CBLC: variants seen among roughly 807,000 people sequenced by gnomAD.
CBLC encodes E3 ubiquitin-protein ligase CBL-C.
In CBLC, 46 loss-of-function variants were observed where a neutral mutation model predicts 58.6. The ratio of observed to expected loss-of-function variants is 0.79; its 90% CI spans 0.62 to 1.00. The LOEUF (loss-of-function observed/expected upper bound fraction) is 1.00. Among genes scored for constraint, CBLC ranks in the 50% least tolerant of loss-of-function variants. The pLI is 0.00. For missense variants in CBLC, 655 were observed against 625.8 expected (o/e 1.05, Z -0.50); for synonymous variants, 271 against 264.2 (o/e 1.03, Z -0.25).
intron 9 of CBLC, among the ~76,000 whole-genome samples, chr19:44,795,383 G>A (rs1242257020): frequency 6.6e-6 from 1 of 152,058 alleles, no homozygotes; most frequent in Non-Finnish European, 1.5e-5. Flanking sequence ...CCAAAGTGGT[G>A]GCGCACACCC....
In CBLC at chr19:44,784,964, T is replaced by TG. The variant is rs1568558701; in HGVS notation, c.917+563_917+564insG. Among the ~76,000 whole-genome samples, 15 of 108,716 alleles carry TG rather than the reference T, an allele frequency of 1.4e-4. No individual in the cohort carries two copies. The South Asian group carries it at 2.0e-3, about 14-fold the overall frequency. 71.3% of individuals were successfully genotyped at this position (108,716 alleles called of 152,430 possible). A position where few individuals can be genotyped will look rare whatever the true frequency, so the allele number is the denominator to read the frequency against. ...GCTAGACAGGTGTTTTTTTTTTTTTTTTTTTTTTTTTTTTTTTTTTTTTTT... is the reference window on the plus strand; with the variant it reads ...GCTAGACAGGTGTTTTTTTTTTTTTTGTTTTTTTTTTTTTTTTTTTTTTTTT... On this transcript the variant is annotated intron_variant, in intron 5 of 10. Coordinates refer to ENST00000647358, the MANE Select transcript of CBLC (RefSeq NM_012116.4).
chr19:44,778,128 G>A lies in CBLC; in HGVS notation c.197G>A (p.Gly66Asp), dbSNP rs1967618769. 1 of 1,597,026 alleles carries A rather than the reference G, an allele frequency of 6.3e-7. No individual in the cohort carries two copies. Among genetic ancestry groups the A allele is most frequent in the Non-Finnish European group, 8.5e-7 (1 of 1,175,060 alleles). The change falls in exon 1 of 11, where the codon GGC becomes GAC. Residue 66 changes from glycine (G) to aspartate (D), a missense_variant. By Grantham distance (94) the Gly-to-Asp change is moderately conservative. Coordinates refer to ENST00000647358, the MANE Select transcript of CBLC (RefSeq NM_012116.4). ...GTGGCCCATTCTCGGCGGGCGGCCG[G>A]CGGAGGCGGCCCCGGGGGTCCCGGC... ...REVAHSRRAA[G>D]GGGPGGPGGS... is the part of the protein sequence containing the mutation.
intron 5 of CBLC, among the ~76,000 whole-genome samples, chr19:44,788,835 T>C (rs543295646): frequency 6.6e-6 from 1 of 152,196 alleles, no homozygotes; most frequent in African/African-American, 2.4e-5. Flanking sequence ...CACAAATCTT[T>C]GCCTCAGGCA....
At position 44,794,245 on chromosome 19, in the gene CBLC, G is replaced by A; in HGVS notation, c.1326G>A (p.Leu442=). 1 of 1,612,810 alleles carries A rather than the reference G, an allele frequency of 6.2e-7. No individual in the cohort carries two copies. Among genetic ancestry groups the A allele is most frequent in the Non-Finnish European group, 8.5e-7 (1 of 1,179,478 alleles). Residue 442 remains leucine (L), a synonymous_variant, in exon 9 of 11, where the codon CTG becomes CTA. Transcript: ENST00000647358. ...CTCCATTGCCCCCACGGCCAGATCT[G>A]CCCCCCAGGAAGCCCAGAAATGCCC... The part of the protein sequence containing the change: ...SAPPLPPRPD[L]PPRKPRNAQP...
Position 44,794,200 on chromosome 19 carries a change from C to A in CBLC, c.1285-4C>A, listed in dbSNP as rs369262197. On this transcript the variant is annotated splice_region_variant and splice_polypyrimidine_tract_variant and intron_variant, in intron 8 of 10. Coordinates refer to ENST00000647358, the MANE Select transcript of CBLC (RefSeq NM_012116.4). ...CCCCTTCTCCTTCCTCTGTCCCACC[C>A]CAGGTGCCCCTTTCGGCTCCTCCAT... is the stretch of plus-strand genomic sequence containing the variant. 6.2e-7 allele frequency: 1 copy of A among 1,607,264 alleles called. No homozygotes were observed.
Position 44,778,299 on chromosome 19 carries a change from C to CA in CBLC, c.353+16dup. ...TCCAGACTCAGGTGAGCCTTCGCCC[C>CA]AGAACAAAGTCCTCTGGGGTGAGGC... On this transcript the variant is annotated intron_variant, in intron 1 of 10. Coordinates refer to ENST00000647358, the MANE Select transcript of CBLC (RefSeq NM_012116.4). 1 of 1,421,874 alleles carries CA rather than the reference C, an allele frequency of 7.0e-7. No homozygotes were observed. Among genetic ancestry groups the CA allele is most frequent in the South Asian group, 1.5e-5 (1 of 65,680 alleles). 88.1% of individuals were successfully genotyped at this position (1,421,874 alleles called of 1,614,324 possible).
At chr19:44,788,316 G>T (rs1346720492) in intron 5 of CBLC, among the ~76,000 whole-genome samples, 6 of 150,086 alleles carry the variant, frequency 4.0e-5, no homozygotes, top group Non-Finnish European at 7.4e-5. Context: ...TTTAGACATA[G>T]TGTCTTTCTG....
At chr19:44,786,335 T>A (rs1311794996) in intron 5 of CBLC, among the ~76,000 whole-genome samples, 1 of 152,092 alleles carries the variant, frequency 6.6e-6, no homozygotes, top group Non-Finnish European at 1.5e-5. Context: ...CTCACACCTG[T>A]AATCCCAGCA....
Position 44,784,257 on chromosome 19 carries a change from C to G in CBLC, c.780-7C>G. On this transcript the variant is annotated splice_region_variant and splice_polypyrimidine_tract_variant and intron_variant, in intron 4 of 10. Coordinates refer to ENST00000647358, the MANE Select transcript of CBLC (RefSeq NM_012116.4). ...CCTCACCCCATCCTACCTACCTCTC[C>G]CTCCAGTTACATCTTCCGGCCCAGC... 2 of 1,563,456 alleles carry G rather than the reference C, an allele frequency of 1.3e-6. No homozygotes were observed. The highest frequency in any genetic ancestry group is 1.3e-5 in the African/African-American group (1 of 74,338).
chr19:44,789,009 C>T (rs929364487), intron 5 of CBLC, among the ~76,000 whole-genome samples: 1 of 152,166 alleles, frequency 6.6e-6, no homozygotes, highest in Non-Finnish European at 1.5e-5. Context: ...CTCAGGGAGT[C>T]TGAGGGTCCA....
At chr19:44,788,464 T>G (rs1480096440) in intron 5 of CBLC, among the ~76,000 whole-genome samples, 2 of 150,598 alleles carry the variant, frequency 1.3e-5, no homozygotes, top group Admixed American at 6.6e-5. Flanking sequence ...TCTTATTTAT[T>G]TATTTTTAAA....
chr19:44,794,043 C>G, intron 8 of CBLC, 161 bp from the exon 9 acceptor site: 2 of 847,678 alleles, frequency 2.4e-6, no homozygotes, highest in Non-Finnish European at 2.8e-6. Context: ...CTGTGGCTTT[C>G]CCTGGCTGTA....
At chr19:44,797,812 C>G (rs1044580939) in intron 9 of CBLC, among the ~76,000 whole-genome samples, 15 of 152,078 alleles carry the variant, frequency 9.9e-5, no homozygotes, top group African/African-American at 3.4e-4. Context: ...ACAATCACAG[C>G]TCACTATAGC....
intron 3 of CBLC, 85 bp from the exon 4 acceptor site, chr19:44,782,285 G>A (rs1967769653): frequency 1.9e-6 from 3 of 1,577,044 alleles, no homozygotes; most frequent in South Asian, 1.2e-5. Flanking sequence ...GAAGGAGGTG[G>A]TTGGATCCTC....
chr19:44,796,816 G>A (rs1191175760), intron 9 of CBLC, among the ~76,000 whole-genome samples: 1 of 151,454 alleles, frequency 6.6e-6, no homozygotes, highest in African/African-American at 2.4e-5. Flanking sequence ...CACAGGCTTC[G>A]ATCAATACTG....
At chr19:44,786,726 G>A (rs1278319441) in intron 5 of CBLC, among the ~76,000 whole-genome samples, 1 of 152,122 alleles carries the variant, frequency 6.6e-6, no homozygotes, top group African/African-American at 2.4e-5. Flanking sequence ...CAACACACAC[G>A]TTTTCTCCAT....
chr19:44,787,131 C>T lies in CBLC; in HGVS notation c.917+2730C>T, dbSNP rs146632788. ...ATCATAAGCTGGGCGCAGTGGCTCA[C>T]GCCTGTAATCCCAGCACTTTAAGAG... On this transcript the variant is annotated intron_variant, in intron 5 of 10. Transcript: ENST00000647358. Among the ~76,000 whole-genome samples the T allele has an allele frequency of 6.5e-4, 99 of 151,970 alleles. No individual in the cohort carries two copies. In the East Asian group the frequency reaches 8.1e-3, roughly 12 times the overall value.
At chr19:44,785,949 A>G (rs1191558222) in intron 5 of CBLC, among the ~76,000 whole-genome samples, 2 of 151,930 alleles carry the variant, frequency 1.3e-5, no homozygotes, top group African/African-American at 4.8e-5. Context: ...AAACAAAACA[A>G]AAAAATTTTA....
intron 9 of CBLC, 81 bp downstream of exon 9, chr19:44,794,362 G>A (rs1968135340): frequency 2.2e-6 from 3 of 1,361,558 alleles, no homozygotes; most frequent in Non-Finnish European, 3.1e-6. Flanking sequence ...GCACTCAGGG[G>A]TGCCAGGGCA....
Sources: allele counts gnomAD v4.1 joint callset (sites outside exome capture counted in the v4.1 genomes callset), GRCh38; gene constraint gnomAD v4.1.1; transcripts MANE v1.5; gene names NCBI Gene and HGNC (gene_info 2026-07-23, HGNC 2026-07-21).